SDK1: variants seen among roughly 807,000 people sequenced by gnomAD.
SDK1 encodes protein sidekick-1.
SDK1 carries 157 observed loss-of-function variants against 245.5 expected under a neutral mutation model. The ratio of observed to expected loss-of-function variants is 0.64; its 90% CI spans 0.56 to 0.73. SDK1 has a LOEUF of 0.73. SDK1 is among the 30% of genes least tolerant of loss of function. The pLI is 0.00. For missense variants in SDK1, 3,583 were observed against 3,002.3 expected, an observed-to-expected ratio of 1.19 and a Z score of -4.52; for synonymous variants, 1,647 against 1,278.5, an observed-to-expected ratio of 1.29 and a Z score of -6.15.
chr7:3,465,600 C>T (rs948107135), intron 1 of SDK1, among the ~76,000 whole-genome samples: 2 of 152,152 alleles, frequency 1.3e-5, no homozygotes, highest in Admixed American at 6.5e-5. Flanking sequence ...GGATCAAGTC[C>T]CCTGTGTGCT....
chr7:3,995,079 C>T lies in SDK1; in HGVS notation c.2131+7757C>T, dbSNP rs560116675. 2.6e-5 allele frequency among the ~76,000 whole-genome samples: 4 copies of T among 152,318 alleles called. No homozygotes were observed. In the East Asian group the frequency reaches 7.7e-4, roughly 29 times the overall value. ...TCCCTGAAGAGGGGATTCTAGGCTT[C>T]TTAGCATGGTAGCAGCACTGTTTAC... is the stretch of plus-strand genomic sequence containing the variant. On this transcript the variant is annotated intron_variant, in intron 14 of 44. Coordinates refer to ENST00000404826, the MANE Select transcript of SDK1 (RefSeq NM_152744.4).
chr7:4,259,029 A>T (rs2128242927), intron 44 of SDK1, among the ~76,000 whole-genome samples: 1 of 152,330 alleles, frequency 6.6e-6, no homozygotes, highest in South Asian at 2.1e-4. Context: ...GGGGCTAATC[A>T]TGGAGATTCC....
intron 40 of SDK1, among the ~76,000 whole-genome samples, chr7:4,231,329 C>T (rs1010010820): frequency 1.3e-5 from 2 of 150,998 alleles, no homozygotes; most frequent in South Asian, 2.1e-4. Context: ...TTTGAGAGGC[C>T]AAGGCAGGCA....
At chr7:3,959,356 G>A (rs1781500298) in intron 8 of SDK1, among the ~76,000 whole-genome samples, 1 of 152,116 alleles carries the variant, frequency 6.6e-6, no homozygotes, top group Non-Finnish European at 1.5e-5. Flanking sequence ...GAGATTCGGG[G>A]CAGAAAATTC....
intron 4 of SDK1, 142 bp downstream of exon 4, chr7:3,642,247 T>C: frequency 1.5e-6 from 1 of 666,846 alleles, no homozygotes; most frequent in East Asian, 2.9e-5. Flanking sequence ...TAATTTTTAA[T>C]AAACAGCTAT....
intron 2 of SDK1, among the ~76,000 whole-genome samples, chr7:3,626,914 C>G (rs1280614179): frequency 8.7e-5 from 13 of 149,758 alleles, no homozygotes. Context: ...ATATCTTGAC[C>G]TCAGGTTCAA....
At chr7:3,632,581 T>A (rs999842403) in intron 2 of SDK1, among the ~76,000 whole-genome samples, 2 of 152,194 alleles carry the variant, frequency 1.3e-5, no homozygotes, top group Non-Finnish European at 2.9e-5. Context: ...ACCTGTTTAT[T>A]GCCCTTCTCA....
chr7:4,149,601 C>G (rs1780218682), intron 30 of SDK1, 138 bp downstream of exon 30: 1 of 547,498 alleles, frequency 1.8e-6, no homozygotes, highest in South Asian at 3.3e-5. Flanking sequence ...CTTTTTGACA[C>G]TCCCCATGCT....
chr7:4,175,087 C>T (rs914112295), intron 33 of SDK1, among the ~76,000 whole-genome samples: 16 of 147,728 alleles, frequency 1.1e-4, no homozygotes, highest in African/African-American at 3.2e-4. Context: ...CTACCTCACG[C>T]GCCAATGCCA....
chr7:3,827,048 TC>T (rs1230491060), intron 5 of SDK1, among the ~76,000 whole-genome samples: 1 of 152,158 alleles, frequency 6.6e-6, no homozygotes, highest in Non-Finnish European at 1.5e-5. Flanking sequence ...TCCCAAGGTG[TC>T]CCCTTTTCCC....
chr7:3,586,957 G>C (rs1013086917), intron 1 of SDK1, among the ~76,000 whole-genome samples: 11 of 152,180 alleles, frequency 7.2e-5, no homozygotes, highest in African/African-American at 9.6e-5. Context: ...TGCATACAGA[G>C]TGAGCAGGCA....
intron 5 of SDK1, among the ~76,000 whole-genome samples, chr7:3,863,075 G>A (rs966860615): frequency 6.6e-6 from 1 of 152,190 alleles, no homozygotes; most frequent in Non-Finnish European, 1.5e-5. Context: ...GGCCTGGAGG[G>A]TGGGGACCCC....
intron 18 of SDK1, among the ~76,000 whole-genome samples, chr7:4,050,127 A>T (rs1789336251): frequency 6.6e-6 from 1 of 152,224 alleles, no homozygotes. Flanking sequence ...TAGGTCCACT[A>T]ATCGTCTTTA....
At chr7:3,532,182 C>A (rs1028430371) in intron 1 of SDK1, among the ~76,000 whole-genome samples, 1 of 152,180 alleles carries the variant, frequency 6.6e-6, no homozygotes, top group Admixed American at 6.5e-5. Flanking sequence ...GTTTTTTCCA[C>A]CTCCAGTACC....
intron 1 of SDK1, among the ~76,000 whole-genome samples, chr7:3,340,225 A>G (rs1254944054): frequency 6.6e-6 from 1 of 152,092 alleles, no homozygotes; most frequent in African/African-American, 2.4e-5. Context: ...ATTTGGTTTC[A>G]GACTACTGCA....
At chr7:4,234,293 C>T (rs1363223019) in intron 41 of SDK1, among the ~76,000 whole-genome samples, 1 of 152,206 alleles carries the variant, frequency 6.6e-6, no homozygotes, top group Non-Finnish European at 1.5e-5. Flanking sequence ...CCGCAGGCTC[C>T]AGAGGCCACC....
intron 1 of SDK1, among the ~76,000 whole-genome samples, chr7:3,309,385 C>A (rs1293401349): frequency 7.2e-6 from 1 of 139,198 alleles, no homozygotes; most frequent in Non-Finnish European, 1.6e-5. Flanking sequence ...TTTTTTTTTT[C>A]CTTCCATGAT....
chr7:3,567,085 A>G (rs963478293), intron 1 of SDK1, among the ~76,000 whole-genome samples: 1 of 152,206 alleles, frequency 6.6e-6, no homozygotes, highest in African/African-American at 2.4e-5. Context: ...ATAATTGAAT[A>G]AGGGATATGC....
intron 1 of SDK1, among the ~76,000 whole-genome samples, chr7:3,409,592 G>C (rs1779145245): frequency 6.6e-6 from 1 of 152,164 alleles, no homozygotes; most frequent in African/African-American, 2.4e-5. Context: ...CAGGAGCAGA[G>C]GAAATGGCAG....
Sources: gnomAD v4.1 joint callset for allele counts (sites outside exome capture counted in the v4.1 genomes callset) on GRCh38, gnomAD v4.1.1 for gene constraint, MANE v1.5 for transcripts, NCBI Gene and HGNC (gene_info 2026-07-23, HGNC 2026-07-21) for gene names.